UTRN: variants seen among roughly 807,000 people sequenced by gnomAD.
UTRN encodes the protein utrophin.
UTRN carries 283 observed loss-of-function variants against 463.9 expected under a neutral mutation model. The observed-to-expected ratio is 0.61, with a 90% confidence interval of 0.55 to 0.67. The LOEUF is 0.67. Ranked by LOEUF, UTRN falls within the 30% of genes least tolerant of loss-of-function variation. UTRN has a pLI of 0.00. For synonymous variants in UTRN, 1,442 were observed against 1,431.5 expected (o/e 1.01, Z -0.17); for missense variants, 3,922 against 4,084.3 (o/e 0.96, Z 1.08).
intron 49 of UTRN, among the ~76,000 whole-genome samples, chr6:144,556,793 A>G (rs1483193150): frequency 1.3e-5 from 2 of 152,214 alleles, no homozygotes; most frequent in Non-Finnish European, 2.9e-5. Context: ...CCAGGCATGT[A>G]TGCAGGAACT....
chr6:144,350,630 C>T (rs1778033799), intron 2 of UTRN, among the ~76,000 whole-genome samples: 1 of 152,172 alleles, frequency 6.6e-6, no homozygotes, highest in African/African-American at 2.4e-5. Flanking sequence ...TTTTGTGGAA[C>T]TGAACTTCTC....
intron 58 of UTRN, among the ~76,000 whole-genome samples, chr6:144,769,146 TA>T (rs1186643189): frequency 6.6e-6 from 1 of 152,074 alleles, no homozygotes; most frequent in Non-Finnish European, 1.5e-5. Flanking sequence ...GGGAAAATGC[TA>T]CTTTTATTCT....
At chr6:144,797,174 A>G (rs1777296764) in intron 63 of UTRN, among the ~76,000 whole-genome samples, 2 of 149,752 alleles carry the variant, frequency 1.3e-5, no homozygotes, top group Admixed American at 6.8e-5. Context: ...ACAAGTTTTT[A>G]CTGTCTTAGA....
chr6:144,672,703 TCTG>T (rs1781178743), intron 51 of UTRN, among the ~76,000 whole-genome samples: 1 of 152,152 alleles, frequency 6.6e-6, no homozygotes, highest in Admixed American at 6.6e-5. Context: ...TTTCTTTTCT[TCTG>T]CTGGATTTGG....
chr6:144,819,911 C>CCTCCTCGTCTCT (rs11397588), intron 65 of UTRN, among the ~76,000 whole-genome samples: 1 of 118,610 alleles, frequency 8.4e-6, no homozygotes, highest in African/African-American at 3.8e-5. Context: ...TCCTCCTCCT[C>CCTCCTCGTCTCT]CTCTCTCTCT....
chr6:144,634,465 C>T (rs909554952), intron 51 of UTRN, among the ~76,000 whole-genome samples: 3 of 152,144 alleles, frequency 2.0e-5, no homozygotes, highest in Non-Finnish European at 4.4e-5. Context: ...CTGTTTCTGG[C>T]AGCAATGGCT....
At chr6:144,739,864 C>G (rs1456136375) in intron 54 of UTRN, among the ~76,000 whole-genome samples, 3 of 152,110 alleles carry the variant, frequency 2.0e-5, no homozygotes, top group Non-Finnish European at 4.4e-5. Flanking sequence ...CTAGGATTGG[C>G]AGACCTTCTT....
intron 39 of UTRN, among the ~76,000 whole-genome samples, chr6:144,517,841 A>G (rs1795761469): frequency 6.6e-6 from 1 of 152,216 alleles, no homozygotes; most frequent in Non-Finnish European, 1.5e-5. Flanking sequence ...TGATGTTTGT[A>G]TGACAATGAA....
At chr6:144,609,053 A>G (rs2128641108) in intron 51 of UTRN, among the ~76,000 whole-genome samples, 1 of 152,334 alleles carries the variant, frequency 6.6e-6, no homozygotes, top group Non-Finnish European at 1.5e-5. Context: ...TTGAATGTAA[A>G]TGGATTAAAT....
intron 34 of UTRN, among the ~76,000 whole-genome samples, chr6:144,508,975 T>C (rs1794936494): frequency 6.6e-6 from 1 of 152,200 alleles, no homozygotes; most frequent in African/African-American, 2.4e-5. Flanking sequence ...TGTTTTATAG[T>C]ATATTTTAAC....
intron 2 of UTRN, among the ~76,000 whole-genome samples, chr6:144,395,286 CA>C (rs1159066006): frequency 7.9e-5 from 12 of 151,528 alleles, no homozygotes; most frequent in African/African-American, 2.7e-4. Flanking sequence ...CACTCCAGGA[CA>C]AAAATTCAAA....
intron 65 of UTRN, among the ~76,000 whole-genome samples, chr6:144,808,600 A>G (rs1205624540): frequency 6.6e-6 from 1 of 152,074 alleles, no homozygotes; most frequent in African/African-American, 2.4e-5. Context: ...CACAAGCTGT[A>G]CATTAGGTCT....
At chr6:144,788,315 C>A (rs1776459721) in intron 61 of UTRN, among the ~76,000 whole-genome samples, 1 of 152,094 alleles carries the variant, frequency 6.6e-6, no homozygotes, top group Admixed American at 6.5e-5. Flanking sequence ...TAACTATATA[C>A]TGAGGGCTTA....
intron 53 of UTRN, among the ~76,000 whole-genome samples, chr6:144,701,786 C>A (rs1000163655): frequency 6.6e-6 from 1 of 151,990 alleles, no homozygotes; most frequent in Non-Finnish European, 1.5e-5. Flanking sequence ...AATGATAAGA[C>A]CCTGAAATTT....
At chr6:144,322,397 G>A (rs1775716020) in intron 2 of UTRN, among the ~76,000 whole-genome samples, 1 of 152,198 alleles carries the variant, frequency 6.6e-6, no homozygotes, top group Admixed American at 6.5e-5. Context: ...ACACTCATCT[G>A]TGAACCTGTA....
At chr6:144,431,959 T>C (rs781727402) in intron 9 of UTRN, among the ~76,000 whole-genome samples, 4 of 152,328 alleles carry the variant, frequency 2.6e-5, no homozygotes, top group South Asian at 2.1e-4. Flanking sequence ...TTTCATTTTA[T>C]TGCAGCCTTC....
At chr6:144,592,111 G>T (rs774312426) in intron 51 of UTRN, among the ~76,000 whole-genome samples, 15 of 152,026 alleles carry the variant, frequency 9.9e-5, no homozygotes, top group Admixed American at 4.6e-4. Flanking sequence ...TGCTTTGTAG[G>T]TCATGAATGC....
chr6:144,297,196 G>A (rs1309021238), intron 2 of UTRN, among the ~76,000 whole-genome samples: 1 of 152,110 alleles, frequency 6.6e-6, no homozygotes, highest in East Asian at 1.9e-4. Context: ...AGTTGGTTGA[G>A]GAGTGTAGGG....
intron 68 of UTRN, among the ~76,000 whole-genome samples, chr6:144,828,058 G>A (rs1160309999): frequency 6.6e-6 from 1 of 152,068 alleles, no homozygotes; most frequent in East Asian, 1.9e-4. Flanking sequence ...TTTAGGATAG[G>A]GGTTTATTTT....
Sources: gnomAD v4.1 joint callset for allele counts (sites outside exome capture counted in the v4.1 genomes callset) on GRCh38, gnomAD v4.1.1 for gene constraint, MANE v1.5 for transcripts, NCBI Gene and HGNC (gene_info 2026-07-23, HGNC 2026-07-21) for gene names.